Variants in MYO9B observed in about 807,000 individuals in gnomAD.
MYO9B encodes the protein myosin IXB, also known as unconventional myosin-IXb.
In MYO9B, 71 loss-of-function variants were observed where a neutral mutation model predicts 229.5. That is an observed-to-expected ratio of 0.31 (90% CI 0.26 to 0.38). MYO9B has a LOEUF of 0.38. Ranked by LOEUF, MYO9B falls within the 10% of genes least tolerant of loss-of-function variation. MYO9B has a pLI of 1.00. For missense variants in MYO9B, 2,255 were observed against 2,920.5 expected, an observed-to-expected ratio of 0.77 and a Z score of 5.25; for synonymous variants, 1,185 against 1,235.8, an observed-to-expected ratio of 0.96 and a Z score of 0.86.
rs761424408 is a variant in MYO9B at position 17,210,388 on chromosome 19, C to A, written c.5796+8C>A. ...CCCTATGAGGGGGTCCTGGTATGTACGCGTTCGGTGGGCCCGCGGTGCATG... is the reference window on the plus strand; with the variant it reads ...CCCTATGAGGGGGTCCTGGTATGTAAGCGTTCGGTGGGCCCGCGGTGCATG... On this transcript the variant is annotated splice_region_variant and intron_variant, in intron 37 of 39. Coordinates refer to ENST00000682292, the MANE Select transcript of MYO9B (RefSeq NM_004145.4). 1.3e-6 allele frequency: 2 copies of A among 1,590,252 alleles called. No homozygotes were observed. Among genetic ancestry groups the A allele is most frequent in the Admixed American group, 1.8e-5 (1 of 56,314 alleles).
chr19:17,106,492 C>T (rs754262324), intron 2 of MYO9B, among the ~76,000 whole-genome samples: 1 of 152,222 alleles, frequency 6.6e-6, no homozygotes, highest in Admixed American at 6.5e-5. Context: ...GCCGCCCTGG[C>T]GTCATCCCAG....
chr19:17,148,836 G>A (rs767966914), intron 3 of MYO9B, among the ~76,000 whole-genome samples: 3 of 151,780 alleles, frequency 2.0e-5, no homozygotes, highest in Non-Finnish European at 4.4e-5. Context: ...CGCCTGCCTC[G>A]GCCTCCCCAA....
chr19:17,201,606 A>G (rs2073106867), intron 26 of MYO9B, among the ~76,000 whole-genome samples: 2 of 152,086 alleles, frequency 1.3e-5, no homozygotes, highest in African/African-American at 4.8e-5. Flanking sequence ...AACACTGGCA[A>G]TGTCTGGGGA....
intron 14 of MYO9B, among the ~76,000 whole-genome samples, chr19:17,178,257 G>T (rs1320439552): frequency 6.6e-6 from 1 of 152,136 alleles, no homozygotes; most frequent in African/African-American, 2.4e-5. Context: ...GGAGCACAGG[G>T]GCTGGGGTCG....
chr19:17,210,741 C>T lies in MYO9B; in HGVS notation c.5823C>T (p.Ile1941=), dbSNP rs1264953272. Reference sequence around the variant, plus strand: ...ACAAGAGCCCCAAGACCCGGGACATCCAGGAGGAGGAGCTGGAGGTGCTGC... The same window carrying T: ...ACAAGAGCCCCAAGACCCGGGACATTCAGGAGGAGGAGCTGGAGGTGCTGC... ...VLNKSPKTRD[I]QEEELEVLLE... The change falls in exon 38 of 40, where the codon ATC becomes ATT. Residue 1941 remains isoleucine, a synonymous_variant. Coordinates refer to ENST00000682292, the MANE Select transcript of MYO9B (RefSeq NM_004145.4). 18 of 1,559,360 alleles carry T rather than the reference C, an allele frequency of 1.2e-5. No homozygotes were observed. Among genetic ancestry groups the T allele is most frequent in the Non-Finnish European group, 1.4e-5 (16 of 1,152,004 alleles).
In MYO9B at chr19:17,202,982, C is replaced by T. The variant is rs997628517; in HGVS notation, c.4878+99C>T. 1.4e-5 allele frequency: 20 copies of T among 1,463,844 alleles called. No homozygotes were observed. In the South Asian group the frequency reaches 1.8e-4, roughly 13 times the overall value. 90.7% of individuals were successfully genotyped at this position (1,463,844 alleles called of 1,614,324 possible). On this transcript the variant is annotated intron_variant, in intron 29 of 39. Transcript: ENST00000682292. Reference sequence around the variant, plus strand: ...CAATGTGCGCATGGGCCCGTCTGCACGCGTATGTGTGCGTGGACACGTGTG... The same window carrying T: ...CAATGTGCGCATGGGCCCGTCTGCATGCGTATGTGTGCGTGGACACGTGTG...
intron 1 of MYO9B, among the ~76,000 whole-genome samples, chr19:17,081,645 C>A (rs2057534475): frequency 6.6e-6 from 1 of 151,856 alleles, no homozygotes; most frequent in Non-Finnish European, 1.5e-5. Flanking sequence ...CCAGTCTCTA[C>A]TAAAAATACA....
intron 2 of MYO9B, among the ~76,000 whole-genome samples, chr19:17,133,767 C>CT (rs889151553): frequency 4.4e-5 from 6 of 135,822 alleles, no homozygotes; most frequent in Middle Eastern, 4.3e-3. Context: ...TTTCCTACTT[C>CT]TTTTTTTTCT....
intron 16 of MYO9B, chr19:17,184,578 C>T: frequency 2.8e-6 from 1 of 355,452 alleles, no homozygotes; most frequent in South Asian, 3.6e-5. Flanking sequence ...TTCAGTAGCA[C>T]TGGCTTCCTC....
Position 17,193,427 on chromosome 19 carries a change from C to A in MYO9B, c.3128+365C>A, listed in dbSNP as rs1457092. Among the ~76,000 whole-genome samples, 67,652 of 151,880 alleles carry A rather than the reference C, an allele frequency of 0.45. 15,928 individuals carry two copies. Among genetic ancestry groups the A allele is most frequent in the East Asian group, 0.76 (3,899 of 5,144 alleles). On this transcript the variant is annotated intron_variant, in intron 21 of 39. Coordinates refer to ENST00000682292, the MANE Select transcript of MYO9B (RefSeq NM_004145.4). The surrounding 1 kb of genome is among the most constrained non-coding windows in gnomAD (Gnocchi z 4.3). ...GCATCCACCGGGCACAGAGAAGCCC[C>A]CAGGAGGATATCAGCAGCTCCCGTC...
Position 17,206,006 on chromosome 19 carries a change from G to A in MYO9B, c.5111G>A (p.Ser1704Asn). ...EPGHFGVCVD[S>N]LTSDKASVPI... ...GGCCACTTCGGCGTGTGCGTAGACA[G>A]CCTGACCAGCGACAAGGCCTCGGTG... is the stretch of plus-strand genomic sequence containing the variant. Residue 1704 changes from serine to asparagine, a missense_variant, in exon 32 of 40, where the codon AGC becomes AAC. Around this residue, in one of 7 missense-constraint regions of MYO9B, gnomAD observed 416 missense variants for 605.5 expected, o/e 0.69. Transcript: ENST00000682292. 2 of 1,603,718 alleles carry A rather than the reference G, an allele frequency of 1.2e-6. No homozygotes were observed. The highest frequency in any genetic ancestry group is 8.5e-7 in the Non-Finnish European group (1 of 1,174,810).
At chr19:17,185,039 G>C in intron 17 of MYO9B, 52 bp downstream of exon 17, 1 of 1,611,622 alleles carries the variant, frequency 6.2e-7, no homozygotes, top group Non-Finnish European at 8.5e-7. Context: ...CCTCAGGCTT[G>C]TGTAGCTTCA....
At chr19:17,146,704 T>TG (rs1316102324) in intron 3 of MYO9B, among the ~76,000 whole-genome samples, 1 of 152,104 alleles carries the variant, frequency 6.6e-6, no homozygotes, top group Non-Finnish European at 1.5e-5. Flanking sequence ...GATAGATTCA[T>TG]GGGTAAATTG....
chr19:17,092,115 G>A (rs1440807845), intron 1 of MYO9B, among the ~76,000 whole-genome samples: 17 of 152,256 alleles, frequency 1.1e-4, no homozygotes, highest in Admixed American at 1.1e-3. Flanking sequence ...GTGGGTGGCA[G>A]AGGCTGCCGG....
intron 1 of MYO9B, among the ~76,000 whole-genome samples, chr19:17,100,273 C>A (rs2057732583): frequency 6.6e-6 from 1 of 151,924 alleles, no homozygotes; most frequent in African/African-American, 2.4e-5. Context: ...AGTTTGAGAC[C>A]AGCCTGGCCA....
At chr19:17,198,124 C>G in intron 23 of MYO9B, 60 bp from the exon 24 acceptor site, 1 of 1,601,722 alleles carries the variant, frequency 6.2e-7, no homozygotes, top group Non-Finnish European at 8.5e-7. Context: ...CAGGGGCTTC[C>G]CCATCTAGCA....
intron 2 of MYO9B, among the ~76,000 whole-genome samples, chr19:17,114,347 C>T (rs2057879202): frequency 6.6e-6 from 1 of 152,096 alleles, no homozygotes; most frequent in Admixed American, 6.6e-5. Context: ...CGTTCTCCCT[C>T]GTCCCTTGGG....
At chr19:17,209,461 C>T (rs1292611810) in intron 35 of MYO9B, 125 bp from the exon 36 acceptor site, 12 of 1,006,818 alleles carry the variant, frequency 1.2e-5, no homozygotes, top group Non-Finnish European at 1.6e-5. Flanking sequence ...ACAGCCGTGT[C>T]CCAGGCACTG....
chr19:17,167,948 A>C lies in MYO9B; in HGVS notation c.1677A>C (p.Glu559Asp), dbSNP rs766200985. 35 of 1,569,430 alleles carry C rather than the reference A, an allele frequency of 2.2e-5. 1 individual carries two copies. In the East Asian group the frequency reaches 8.0e-4, roughly 36 times the overall value. ...NQHIFKLEQE[E>D]YQGEGITWHN... ...ACCCCGCGCCACCCCTGCAGGAGGA[A>C]TATCAGGGCGAGGGGATCACGTGGC... The change falls in exon 11 of 40, where the codon GAA (glutamate) becomes GAC (aspartate). Residue 559 changes from glutamate to aspartate, a missense_variant. By Grantham distance (45) the Glu-to-Asp change is conservative (BLOSUM62 2). Coordinates refer to ENST00000682292, the MANE Select transcript of MYO9B (RefSeq NM_004145.4).
Sources: gnomAD v4.1 joint callset for allele counts (sites outside exome capture counted in the v4.1 genomes callset) on GRCh38, gnomAD v4.1.1 for gene constraint, gnomAD v4.1.1 regional missense constraint, Gnocchi (gnomAD v3.1) non-coding constraint, MANE v1.5 for transcripts, NCBI Gene and HGNC (gene_info 2026-07-23, HGNC 2026-07-21) for gene names.